Variants in RBMS3 observed in about 807,000 individuals in gnomAD.
RBMS3 encodes the protein RNA-binding motif, single-stranded-interacting protein 3.
A neutral mutation model predicts 66.8 loss-of-function variants in RBMS3; 27 were observed. The ratio of observed to expected loss-of-function variants is 0.40; its 90% CI spans 0.30 to 0.56. The LOEUF is 0.56. Among genes scored for constraint, RBMS3 ranks in the 20% least tolerant of loss-of-function variants. RBMS3 has a pLI of 0.40. For synonymous variants in RBMS3, 188 were observed against 183.0 expected (o/e 1.03, Z -0.22); for missense variants, 513 against 549.5 (o/e 0.93, Z 0.66).
At chr3:29,890,917 C>T (rs1442642049) in intron 8 of RBMS3, among the ~76,000 whole-genome samples, 1 of 151,196 alleles carries the variant, frequency 6.6e-6, no homozygotes, top group East Asian at 1.9e-4. Context: ...TCCATAGGAC[C>T]GTGGAGGAGA....
rs138966395 is a variant in RBMS3 at position 29,357,977 on chromosome 3, A to C, written c.75+76221A>C. Among the ~76,000 whole-genome samples, 703 of 152,212 alleles carry C rather than the reference A, an allele frequency of 4.6e-3. 7 individuals are homozygous for C. The highest frequency in any genetic ancestry group is 0.015 in the African/African-American group (634 of 41,534). On this transcript the variant is annotated intron_variant, in intron 1 of 14. Transcript: ENST00000383767. ...CCTTTGTCAGATGAGTAGATTACAA[A>C]AATTTTCTCCTATTCTCTAGGTTGC...
chr3:29,473,634 C>T (rs771001107), intron 2 of RBMS3, among the ~76,000 whole-genome samples: 15 of 152,228 alleles, frequency 9.9e-5, no homozygotes, highest in African/African-American at 2.9e-4. Context: ...CTGCAGGTCC[C>T]GAGCCCTGCC....
At chr3:29,995,213 A>G (rs1577347819) in intron 14 of RBMS3, among the ~76,000 whole-genome samples, 1 of 152,098 alleles carries the variant, frequency 6.6e-6, no homozygotes, top group East Asian at 1.9e-4. Flanking sequence ...AAGTTTAGAG[A>G]AAAAAGAATA....
chr3:29,329,695 T>A (rs1046115341), intron 1 of RBMS3, among the ~76,000 whole-genome samples: 2 of 151,724 alleles, frequency 1.3e-5, no homozygotes, highest in African/African-American at 4.8e-5. Flanking sequence ...GAGTCAAGCT[T>A]AATGCATATT....
At chr3:29,718,700 A>T (rs886403384) in intron 4 of RBMS3, among the ~76,000 whole-genome samples, 3 of 152,132 alleles carry the variant, frequency 2.0e-5, no homozygotes, top group East Asian at 3.9e-4. Context: ...GATCCAGCAC[A>T]TGCTTGGTAT....
intron 6 of RBMS3, among the ~76,000 whole-genome samples, chr3:29,772,053 G>A (rs1012211703): frequency 2.6e-5 from 4 of 151,976 alleles, no homozygotes; most frequent in East Asian, 1.9e-4. Flanking sequence ...CCTCAAAAGT[G>A]GAGGAGAACG....
At chr3:29,851,065 A>T (rs1263587169) in intron 6 of RBMS3, among the ~76,000 whole-genome samples, 1 of 152,170 alleles carries the variant, frequency 6.6e-6, no homozygotes, top group East Asian at 1.9e-4. Flanking sequence ...ATCTTTCCAG[A>T]TTACTGCATC....
intron 1 of RBMS3, among the ~76,000 whole-genome samples, chr3:29,430,258 T>TG (rs2041128360): frequency 6.6e-6 from 1 of 151,772 alleles, no homozygotes; most frequent in Non-Finnish European, 1.5e-5. Context: ...CTACACTGGG[T>TG]GTTAAAATCT....
chr3:29,424,850 C>T (rs550516343), intron 1 of RBMS3, among the ~76,000 whole-genome samples: 1 of 152,234 alleles, frequency 6.6e-6, no homozygotes, highest in East Asian at 1.9e-4. Flanking sequence ...GAAAATGCCT[C>T]ATTATTATCT....
intron 4 of RBMS3, among the ~76,000 whole-genome samples, chr3:29,701,469 T>G (rs2052572241): frequency 6.6e-6 from 1 of 152,088 alleles, no homozygotes; most frequent in African/African-American, 2.4e-5. Context: ...CAGGGCCCAC[T>G]CTGGCCGTGC....
At chr3:29,487,496 A>C (rs1300737551) in intron 2 of RBMS3, among the ~76,000 whole-genome samples, 6 of 152,176 alleles carry the variant, frequency 3.9e-5, no homozygotes, top group Non-Finnish European at 8.8e-5. Flanking sequence ...TCTAAGTAGT[A>C]ATGTTTGAAG....
At chr3:29,878,454 CTA>C (rs2059662158) in intron 7 of RBMS3, among the ~76,000 whole-genome samples, 2 of 152,118 alleles carry the variant, frequency 1.3e-5, no homozygotes, top group Non-Finnish European at 2.9e-5. Flanking sequence ...ACTAGAAACA[CTA>C]TATCATTTCC....
At chr3:29,408,545 G>T (rs1030806703) in intron 1 of RBMS3, among the ~76,000 whole-genome samples, 1 of 152,032 alleles carries the variant, frequency 6.6e-6, no homozygotes, top group Non-Finnish European at 1.5e-5. Context: ...ATAGACATTT[G>T]ATAATGGTCT....
chr3:29,914,209 G>A (rs2060584577), intron 10 of RBMS3, among the ~76,000 whole-genome samples: 2 of 151,924 alleles, frequency 1.3e-5, no homozygotes, highest in African/African-American at 4.8e-5. Context: ...GGTCAAAACT[G>A]ACTCAGGAAA....
At chr3:29,989,414 G>A (rs1427112882) in intron 13 of RBMS3, among the ~76,000 whole-genome samples, 1 of 152,074 alleles carries the variant, frequency 6.6e-6, no homozygotes, top group Non-Finnish European at 1.5e-5. Flanking sequence ...GGTGCATTAT[G>A]GTCACCGTGC....
intron 3 of RBMS3, among the ~76,000 whole-genome samples, chr3:29,549,890 A>G (rs1309601995): frequency 6.6e-6 from 1 of 152,094 alleles, no homozygotes; most frequent in Non-Finnish European, 1.5e-5. Flanking sequence ...AGATGGTCAT[A>G]TTATATACTA....
At chr3:29,735,609 CTT>C (rs2054344327) in intron 4 of RBMS3, among the ~76,000 whole-genome samples, 1 of 152,114 alleles carries the variant, frequency 6.6e-6, no homozygotes, top group South Asian at 2.1e-4. Context: ...GCTAGGAACT[CTT>C]TTTTCATAGC....
chr3:29,650,898 A>G (rs1346460458), intron 4 of RBMS3, among the ~76,000 whole-genome samples: 1 of 152,208 alleles, frequency 6.6e-6, no homozygotes, highest in Non-Finnish European at 1.5e-5. Context: ...AATTAATATC[A>G]TGTTGTGTTT....
chr3:29,725,124 C>T (rs2053804862), intron 4 of RBMS3, among the ~76,000 whole-genome samples: 1 of 152,264 alleles, frequency 6.6e-6, no homozygotes, highest in East Asian at 1.9e-4. Context: ...CGAGTACCTC[C>T]ATTTGTTCAG....
Sources: allele counts gnomAD v4.1 joint callset (sites outside exome capture counted in the v4.1 genomes callset), GRCh38; gene constraint gnomAD v4.1.1; transcripts MANE v1.5; gene names NCBI Gene and HGNC (gene_info 2026-07-23, HGNC 2026-07-21).